The following MFSD8 variants were observed in gnomAD, a reference collection of about 807,000 sequenced individuals.
MFSD8 encodes the protein major facilitator superfamily domain containing 8.
In MFSD8, 55 loss-of-function variants were observed where a neutral mutation model predicts 66.4. The ratio of observed to expected loss-of-function variants is 0.83; its 90% CI spans 0.67 to 1.04. The LOEUF is 1.04. Among genes scored for constraint, MFSD8 ranks in the 50% least tolerant of loss-of-function variants. The pLI is 0.00. For synonymous variants in MFSD8, 202 were observed against 212.8 expected, an observed-to-expected ratio of 0.95 and a Z score of 0.44; for missense variants, 550 against 627.6, an observed-to-expected ratio of 0.88 and a Z score of 1.32.
At chr4:127,963,670 GGTGA>G (rs1311363303) in intron 1 of MFSD8, among the ~76,000 whole-genome samples, 1 of 152,172 alleles carries the variant, frequency 6.6e-6, no homozygotes, top group Non-Finnish European at 1.5e-5. Context: ...AGACCTTCGC[GGTGA>G]GTGTTACGGC....
At chr4:127,940,138 G>A in intron 5 of MFSD8, 141 bp from the exon 6 acceptor site, 1 of 830,070 alleles carries the variant, frequency 1.2e-6, no homozygotes, top group Non-Finnish European at 1.9e-6. Flanking sequence ...AGATGGAATT[G>A]GTTCTTGATG....
chr4:127,920,541 T>C lies in MFSD8; in HGVS notation c.*89A>G. ...ATCTGCAATATCTGTAGTCTGATTCTTGGAGACTGGCTCACCGCAATTGTC... is the reference window on the plus strand; with the variant it reads ...ATCTGCAATATCTGTAGTCTGATTCCTGGAGACTGGCTCACCGCAATTGTC... On this transcript the variant is annotated 3_prime_UTR_variant, in exon 12 of 12. Coordinates refer to ENST00000641686, the MANE Select transcript of MFSD8 (RefSeq NM_001371596.2). 7.7e-7 allele frequency: 1 copy of C among 1,296,308 alleles called. No homozygotes were observed. The highest frequency in any genetic ancestry group is 1.5e-5 in the African/African-American group (1 of 68,756). The allele number at this position is 1,296,308 out of a possible 1,614,324, so 80.3% of individuals were successfully genotyped here. A position where few individuals can be genotyped will look rare whatever the true frequency, so the allele number is the denominator to read the frequency against.
At chr4:127,948,972 T>G (rs1198487285) in intron 3 of MFSD8, among the ~76,000 whole-genome samples, 1 of 152,204 alleles carries the variant, frequency 6.6e-6, no homozygotes, top group Non-Finnish European at 1.5e-5. Flanking sequence ...CTAATACAGG[T>G]GGTTTCAGGA....
At chr4:127,929,687 G>T (rs1391865003) in intron 9 of MFSD8, among the ~76,000 whole-genome samples, 1 of 152,132 alleles carries the variant, frequency 6.6e-6, no homozygotes, top group Non-Finnish European at 1.5e-5. Context: ...ATAAACAATA[G>T]TTGATTAATA....
chr4:127,965,286 G>T, upstream of MFSD8: 2 of 954,900 alleles, frequency 2.1e-6, no homozygotes, highest in Non-Finnish European at 3.3e-6. Flanking sequence ...TCATAGGCGG[G>T]GTCACGCGGA....
chr4:127,928,756 A>G (rs560347496), intron 9 of MFSD8, among the ~76,000 whole-genome samples: 9 of 152,330 alleles, frequency 5.9e-5, no homozygotes, highest in Admixed American at 4.6e-4. Context: ...TCTAAAAGAA[A>G]TGAAATCAAT....
intron 1 of MFSD8, among the ~76,000 whole-genome samples, chr4:127,961,499 G>A (rs912028627): frequency 5.3e-5 from 8 of 152,180 alleles, no homozygotes; most frequent in African/African-American, 1.9e-4. Flanking sequence ...CTGGAAAATA[G>A]CTAAAAACCA....
intron 2 of MFSD8, among the ~76,000 whole-genome samples, chr4:127,952,180 C>T (rs1424576628): frequency 2.6e-5 from 4 of 151,296 alleles, no homozygotes; most frequent in Non-Finnish European, 5.9e-5. Flanking sequence ...CCTGGGTGGG[C>T]GGATCATGAG....
rs150892838 is a variant in MFSD8, at chr4:127,965,097, G to C, written c.37C>G (p.Leu13Val). Residue 13 changes from leucine to valine, a missense_variant, in exon 1 of 12, where the codon CTC (leucine) becomes GTC (valine). Coordinates refer to ENST00000641686, the MANE Select transcript of MFSD8 (RefSeq NM_001371596.2). Reference protein sequence around the residue: ...GLRNESEQEPLLGDTPGSREW... With the variant: ...GLRNESEQEPVLGDTPGSREW... Reference sequence around the variant, plus strand: ...CTGCTTCCAGGTGTGTCGCCTAAGAGCGGCTCCTGTTCACTTTCGTTCCGC... The same window carrying C: ...CTGCTTCCAGGTGTGTCGCCTAAGACCGGCTCCTGTTCACTTTCGTTCCGC... 2.5e-6 allele frequency: 4 copies of C among 1,613,856 alleles called. No homozygotes were observed. Among genetic ancestry groups the C allele is most frequent in the Non-Finnish European group, 3.4e-6 (4 of 1,180,040 alleles).
At chr4:127,961,107 G>A (rs931717247) in intron 1 of MFSD8, among the ~76,000 whole-genome samples, 1 of 152,116 alleles carries the variant, frequency 6.6e-6, no homozygotes, top group Admixed American at 6.5e-5. Context: ...AGCTCCACCA[G>A]ACCAGCAAAT....
intron 9 of MFSD8, among the ~76,000 whole-genome samples, chr4:127,922,462 A>G (rs1020051109): frequency 2.6e-5 from 4 of 152,058 alleles, no homozygotes; most frequent in African/African-American, 7.2e-5. Context: ...CATCTCTACA[A>G]AAAATTTTAA....
intron 3 of MFSD8, among the ~76,000 whole-genome samples, chr4:127,944,681 G>A (rs557624429): frequency 6.6e-6 from 1 of 151,478 alleles, no homozygotes; most frequent in East Asian, 1.9e-4. Flanking sequence ...TTTTTTTTGA[G>A]ACAGGGTCTC....
chr4:127,941,123 G>A (rs1190797962), intron 5 of MFSD8, among the ~76,000 whole-genome samples: 3 of 152,128 alleles, frequency 2.0e-5, no homozygotes, highest in African/African-American at 7.2e-5. Context: ...ATGTCCTCAT[G>A]TACTTTACAA....
chr4:127,963,511 A>G (rs1744185438), intron 1 of MFSD8, among the ~76,000 whole-genome samples: 1 of 152,080 alleles, frequency 6.6e-6, no homozygotes, highest in African/African-American at 2.4e-5. Flanking sequence ...AGATGTGTTC[A>G]GAGTTTCTTC....
At chr4:127,960,529 AAAAT>A (rs144471782) in intron 1 of MFSD8, among the ~76,000 whole-genome samples, 9 of 152,224 alleles carry the variant, frequency 5.9e-5, no homozygotes, top group East Asian at 1.9e-4. Flanking sequence ...CTGTCTCAAA[AAAAT>A]AAATAAATAA....
intron 2 of MFSD8, among the ~76,000 whole-genome samples, chr4:127,956,732 C>T (rs1742945759): frequency 6.7e-6 from 1 of 149,224 alleles, no homozygotes; most frequent in Admixed American, 6.8e-5. Context: ...GCAGGCGAAT[C>T]GCTTGAATCT....
intron 3 of MFSD8, 64 bp downstream of exon 3, chr4:127,949,740 C>A: frequency 7.4e-7 from 1 of 1,355,452 alleles, no homozygotes; most frequent in South Asian, 1.2e-5. Context: ...TTAGAAAATG[C>A]TTAACTACGT....
chr4:127,921,838 A>C, intron 10 of MFSD8, 22 bp downstream of exon 10: 1 of 1,613,802 alleles, frequency 6.2e-7, no homozygotes, highest in Middle Eastern at 1.6e-4. Context: ...GGTTAACATT[A>C]TAGAATTATG....
At chr4:127,943,183 A>C (rs1314730455) in intron 4 of MFSD8, among the ~76,000 whole-genome samples, 1 of 151,900 alleles carries the variant, frequency 6.6e-6, no homozygotes, top group African/African-American at 2.4e-5. Context: ...GCGCCACTGC[A>C]TTCCAGTCTG....
Sources: gnomAD v4.1 joint callset for allele counts (sites outside exome capture counted in the v4.1 genomes callset) on GRCh38, gnomAD v4.1.1 for gene constraint, MANE v1.5 for transcripts, NCBI Gene and HGNC (gene_info 2026-07-23, HGNC 2026-07-21) for gene names.